ATRX: variants seen among roughly 807,000 people sequenced by gnomAD.
ATRX encodes chromatin remodeler ATRX.
In ATRX, 12 loss-of-function variants were observed where a neutral mutation model predicts 172.6. The ratio of observed to expected loss-of-function variants is 0.07; its 90% CI spans 0.04 to 0.11. ATRX has a LOEUF of 0.11. Ranked by LOEUF, ATRX falls within the 10% of genes least tolerant of loss-of-function variation. ATRX has a pLI of 1.00. For missense variants in ATRX, 1,368 were observed against 1,767.4 expected (o/e 0.77, Z 4.05); for synonymous variants, 674 against 594.7 (o/e 1.13, Z -1.94).
intron 27 of ATRX, among the ~76,000 whole-genome samples, chrX:77,589,538 CA>C (rs1240356512): frequency 4.5e-5 from 5 of 110,648 alleles, no homozygotes; most frequent in African/African-American, 1.6e-4. Flanking sequence ...CTCTTGTCAC[CA>C]AAAAAAACTA....
At chrX:77,720,755 GA>G (rs1472253143) in intron 1 of ATRX, among the ~76,000 whole-genome samples, 1 of 111,717 alleles carries the variant, frequency 9.0e-6, no homozygotes, top group Non-Finnish European at 1.9e-5. Flanking sequence ...GTACAAAGAG[GA>G]GCTGGTACCA....
chrX:77,530,945 G>A (rs1427395312), intron 30 of ATRX, among the ~76,000 whole-genome samples: 11 of 111,727 alleles, frequency 9.8e-5, no homozygotes, highest in Non-Finnish European at 3.8e-5. Flanking sequence ...TCAGAAATAA[G>A]GGGGACATCC....
At chrX:77,646,528 A>T (rs1182359955) in intron 15 of ATRX, among the ~76,000 whole-genome samples, 2 of 112,262 alleles carry the variant, frequency 1.8e-5, no homozygotes, top group Non-Finnish European at 3.8e-5. Flanking sequence ...AAAACAAAAA[A>T]AGAGAGAAAC....
chrX:77,617,221 A>C (rs1263039318), intron 21 of ATRX, among the ~76,000 whole-genome samples: 4 of 112,079 alleles, frequency 3.6e-5, no homozygotes, highest in Non-Finnish European at 7.5e-5. Context: ...CCAATTAAGA[A>C]AGCAACCCCT....
intron 34 of ATRX, among the ~76,000 whole-genome samples, chrX:77,515,625 A>G (rs782768793): frequency 1.8e-5 from 2 of 111,697 alleles, no homozygotes; most frequent in African/African-American, 6.5e-5. Context: ...TCCAAACCTC[A>G]GCTAGCAGAG....
chrX:77,707,357 A>G (rs2072887839), intron 2 of ATRX, among the ~76,000 whole-genome samples: 1 of 112,720 alleles, frequency 8.9e-6, no homozygotes, highest in South Asian at 3.6e-4. Context: ...TTAAAATGGC[A>G]ATTTTTATGT....
chrX:77,758,126 C>T (rs1485338934), intron 1 of ATRX, among the ~76,000 whole-genome samples: 3 of 111,052 alleles, frequency 2.7e-5, no homozygotes, highest in Non-Finnish European at 3.8e-5. Context: ...CGGTGGCTCA[C>T]GCCTGTAATC....
intron 30 of ATRX, among the ~76,000 whole-genome samples, chrX:77,544,040 T>G (rs2147871196): frequency 9.1e-6 from 1 of 110,295 alleles, no homozygotes; most frequent in South Asian, 3.9e-4. Flanking sequence ...ATTAGGAAGT[T>G]ATTCATTTTA....
intron 27 of ATRX, among the ~76,000 whole-genome samples, chrX:77,580,667 GTAAT>G (rs2065796066): frequency 1.8e-5 from 2 of 112,188 alleles, no homozygotes; most frequent in African/African-American, 6.5e-5. Flanking sequence ...GCTAAAGGAA[GTAAT>G]TAATCAGAAA....
chrX:77,772,092 C>T (rs1489847795), intron 1 of ATRX, among the ~76,000 whole-genome samples: 3 of 109,938 alleles, frequency 2.7e-5, no homozygotes, highest in Admixed American at 9.7e-5. Flanking sequence ...GTCAGGAGTT[C>T]GAGACCATCC....
intron 17 of ATRX, 98 bp downstream of exon 17, chrX:77,634,496 A>G: frequency 1.4e-6 from 1 of 719,556 alleles, no homozygotes; most frequent in Non-Finnish European, 2.2e-6. Context: ...TCACTGCTTT[A>G]TCTTCAGCCC....
intron 22 of ATRX, among the ~76,000 whole-genome samples, chrX:77,607,574 C>G (rs782181579): frequency 9.2e-6 from 1 of 108,886 alleles, no homozygotes; most frequent in South Asian, 4.0e-4. Flanking sequence ...ATTAGCGGAG[C>G]ATGGTGGTGC....
At chrX:77,538,738 A>G (rs1367442351) in intron 30 of ATRX, among the ~76,000 whole-genome samples, 2 of 111,842 alleles carry the variant, frequency 1.8e-5, no homozygotes, top group African/African-American at 3.2e-5. Context: ...TGTTGGAACT[A>G]TAAGAAACTT....
At chrX:77,742,531 G>GC (rs1267923138) in intron 1 of ATRX, among the ~76,000 whole-genome samples, 1 of 112,130 alleles carries the variant, frequency 8.9e-6, no homozygotes, top group African/African-American at 3.2e-5. Flanking sequence ...ATGGATGACT[G>GC]CAAGAATTTC....
At chrX:77,735,043 C>T (rs1364396120) in intron 1 of ATRX, among the ~76,000 whole-genome samples, 2 of 104,571 alleles carry the variant, frequency 1.9e-5, no homozygotes, top group African/African-American at 7.0e-5. Context: ...AGTGAGCCCA[C>T]ATCACACCAC....
chrX:77,665,372 C>G (rs1253486273), intron 10 of ATRX, among the ~76,000 whole-genome samples: 1 of 111,600 alleles, frequency 9.0e-6, no homozygotes, highest in Non-Finnish European at 1.9e-5. Flanking sequence ...AATAAATAAT[C>G]TCTAATAATA....
intron 25 of ATRX, chrX:77,596,752 A>T (rs1443080343): frequency 9.0e-6 from 1 of 110,938 alleles, no homozygotes; most frequent in African/African-American, 3.3e-5. Flanking sequence ...AAGAGAAGAG[A>T]CTACTCATTT....
intron 16 of ATRX, among the ~76,000 whole-genome samples, chrX:77,635,269 A>G (rs2068294265): frequency 1.8e-5 from 2 of 111,500 alleles, no homozygotes; most frequent in African/African-American, 6.5e-5. Context: ...TGAGTGACAG[A>G]GCGAGACTCC....
rs138075836 is a variant in ATRX at position 77,580,107 on chromosome X, A to G, written c.6218-5749T>C. 5.8e-3 allele frequency among the ~76,000 whole-genome samples: 647 copies of G among 112,000 alleles called. 4 individuals are homozygous for G. The highest frequency in any genetic ancestry group is 0.023 in the Middle Eastern group (5 of 218). On this transcript the variant is annotated intron_variant, in intron 27 of 34. Coordinates refer to ENST00000373344, the MANE Select transcript of ATRX (RefSeq NM_000489.6). ...GCCTGAAGATAAGCTACTTGAAAAT[A>G]CACAGTCACAGGAGACAAAAGAGAA...
Sources: allele counts gnomAD v4.1 joint callset (sites outside exome capture counted in the v4.1 genomes callset), GRCh38; gene constraint gnomAD v4.1.1; transcripts MANE v1.5; gene names NCBI Gene and HGNC (gene_info 2026-07-23, HGNC 2026-07-21).